The following PTPRT variants were observed in gnomAD, a reference collection of about 807,000 sequenced individuals.
The protein encoded by PTPRT is protein tyrosine phosphatase receptor type T, also known as receptor-type tyrosine-protein phosphatase T.
In PTPRT, 56 loss-of-function variants were observed where a neutral mutation model predicts 176.8. That is an observed-to-expected ratio of 0.32 (90% CI 0.26 to 0.40). The LOEUF (loss-of-function observed/expected upper bound fraction) is 0.40, where lower values mean the gene tolerates loss of function less well. Among genes scored for constraint, PTPRT ranks in the 10% least tolerant of loss-of-function variants. PTPRT has a pLI of 1.00. For missense variants in PTPRT, 1,540 were observed against 1,908.2 expected, an observed-to-expected ratio of 0.81 and a Z score of 3.60; for synonymous variants, 783 against 739.0, an observed-to-expected ratio of 1.06 and a Z score of -0.96.
intron 2 of PTPRT, among the ~76,000 whole-genome samples, chr20:42,833,272 GAA>G: frequency 7.4e-6 from 1 of 134,796 alleles, no homozygotes. Flanking sequence ...GAAATTAAAA[GAA>G]AAAAAAAAAA....
At chr20:42,504,626 C>T (rs549302178) in intron 7 of PTPRT, among the ~76,000 whole-genome samples, 1 of 152,206 alleles carries the variant, frequency 6.6e-6, no homozygotes, top group South Asian at 2.1e-4. Flanking sequence ...AGCCTATTTG[C>T]ATTATTACAT....
At chr20:42,814,924 A>T (rs1366666799) in intron 2 of PTPRT, among the ~76,000 whole-genome samples, 1 of 152,206 alleles carries the variant, frequency 6.6e-6, no homozygotes, top group African/African-American at 2.4e-5. Context: ...AAAAAGTACA[A>T]CAGAAGAGAG....
chr20:42,804,433 A>C (rs1418726968), intron 2 of PTPRT, among the ~76,000 whole-genome samples: 1 of 152,174 alleles, frequency 6.6e-6, no homozygotes, highest in East Asian at 1.9e-4. Context: ...AGACCACCAA[A>C]GATACTGTCT....
intron 7 of PTPRT, among the ~76,000 whole-genome samples, chr20:42,605,297 C>T (rs1354053720): frequency 6.6e-6 from 1 of 151,632 alleles, no homozygotes; most frequent in Non-Finnish European, 1.5e-5. Flanking sequence ...GGGGAGCTCA[C>T]TGCCCTTGCT....
intron 1 of PTPRT, among the ~76,000 whole-genome samples, chr20:43,047,170 C>T (rs1253252022): frequency 6.6e-6 from 1 of 152,026 alleles, no homozygotes; most frequent in Non-Finnish European, 1.5e-5. Context: ...ATGCCTGATG[C>T]TTCTCATGTT....
chr20:43,091,286 C>T (rs561231424), intron 1 of PTPRT, among the ~76,000 whole-genome samples: 1 of 151,822 alleles, frequency 6.6e-6, no homozygotes, highest in South Asian at 2.1e-4. Flanking sequence ...AAGTGGCGTG[C>T]AGACAAAACA....
intron 1 of PTPRT, among the ~76,000 whole-genome samples, chr20:42,914,877 TA>T (rs58741882): frequency 0.059 from 8,385 of 142,900 alleles, 593 homozygotes; most frequent in African/African-American, 0.18. Context: ...AGTGTACAGT[TA>T]AAAAAAAAAA....
At chr20:42,924,612 T>C (rs1304696108) in intron 1 of PTPRT, among the ~76,000 whole-genome samples, 1 of 152,224 alleles carries the variant, frequency 6.6e-6, no homozygotes, top group Non-Finnish European at 1.5e-5. Context: ...TGAAGAAAGC[T>C]GAGCTCACAC....
intron 7 of PTPRT, among the ~76,000 whole-genome samples, chr20:42,588,795 T>C (rs879181884): frequency 6.6e-6 from 1 of 152,004 alleles, no homozygotes; most frequent in Admixed American, 6.5e-5. Flanking sequence ...AGAGCAACAG[T>C]AAAATTAATA....
chr20:42,998,705 A>C (rs1984363852), intron 1 of PTPRT, among the ~76,000 whole-genome samples: 1 of 152,190 alleles, frequency 6.6e-6, no homozygotes, highest in African/African-American at 2.4e-5. Flanking sequence ...ACATTTTCTC[A>C]TTTCAGTCTT....
At chr20:42,186,696 A>G (rs1990797044) in intron 16 of PTPRT, among the ~76,000 whole-genome samples, 1 of 152,072 alleles carries the variant, frequency 6.6e-6, no homozygotes, top group African/African-American at 2.4e-5. Flanking sequence ...ACGTGTTTAG[A>G]TTTGCCTTGA....
intron 1 of PTPRT, among the ~76,000 whole-genome samples, chr20:43,157,127 G>C (rs2014544670): frequency 2.0e-5 from 3 of 151,960 alleles, no homozygotes; most frequent in African/African-American, 7.3e-5. Context: ...CAAGGCGGGA[G>C]GATCGCTTGA....
intron 7 of PTPRT, among the ~76,000 whole-genome samples, chr20:42,672,186 G>T (rs1260493945): frequency 6.6e-6 from 1 of 152,204 alleles, no homozygotes; most frequent in African/African-American, 2.4e-5. Context: ...TCAGTGGACT[G>T]GGAAAGGCAG....
intron 1 of PTPRT, among the ~76,000 whole-genome samples, chr20:42,987,145 A>G (rs971421324): frequency 6.6e-5 from 10 of 151,640 alleles, no homozygotes; most frequent in Non-Finnish European, 1.3e-4. Flanking sequence ...GTTTCCACCC[A>G]TCCTCGCCCC....
At chr20:42,104,335 G>A (rs1205113178) in intron 25 of PTPRT, among the ~76,000 whole-genome samples, 1 of 152,062 alleles carries the variant, frequency 6.6e-6, no homozygotes, top group African/African-American at 2.4e-5. Context: ...AAATGTGAGA[G>A]CTTGCTGCTT....
chr20:42,268,152 A>C, intron 13 of PTPRT, among the ~76,000 whole-genome samples: 1 of 152,164 alleles, frequency 6.6e-6, no homozygotes. Context: ...TATTTACATC[A>C]GCCATTATTG....
rs114105631 is a variant in PTPRT at position 42,214,292 on chromosome 20, A to T, written c.2343-14904T>A. Among the ~76,000 whole-genome samples the T allele has an allele frequency of 3.3e-3, 507 of 152,262 alleles. 2 individuals carry two copies. The highest frequency in any genetic ancestry group is 0.012 in the African/African-American group (482 of 41,542). ...TCTCCCTTTCTCCCCAGGCAAACAC[A>T]CACTCACACATATGCACATACATGC... On this transcript the variant is annotated intron_variant, in intron 15 of 30. Coordinates refer to ENST00000373187, the MANE Select transcript of PTPRT (RefSeq NM_007050.6).
intron 12 of PTPRT, among the ~76,000 whole-genome samples, chr20:42,314,537 A>AAAC (rs1449790294): frequency 4.0e-5 from 6 of 149,924 alleles, no homozygotes; most frequent in Non-Finnish European, 8.9e-5. Context: ...AAAAAAAAAA[A>AAAC]AAAAAGAAAG....
At chr20:42,397,196 A>C (rs1485486609) in intron 9 of PTPRT, among the ~76,000 whole-genome samples, 1 of 152,240 alleles carries the variant, frequency 6.6e-6, no homozygotes, top group Non-Finnish European at 1.5e-5. Context: ...TTGGTGAATA[A>C]ATGAAAATAT....
Sources: allele counts gnomAD v4.1 joint callset (sites outside exome capture counted in the v4.1 genomes callset), GRCh38; gene constraint gnomAD v4.1.1; transcripts MANE v1.5; gene names NCBI Gene and HGNC (gene_info 2026-07-23, HGNC 2026-07-21).